The following CCSER1 variants were observed in gnomAD, a reference collection of about 807,000 sequenced individuals.
The protein encoded by CCSER1 is serine-rich coiled-coil domain-containing protein 1.
A neutral mutation model predicts 82.0 loss-of-function variants in CCSER1; 41 were observed. That is an observed-to-expected ratio of 0.50 (90% CI 0.39 to 0.65). CCSER1 has a LOEUF of 0.65. Among genes scored for constraint, CCSER1 ranks in the 30% least tolerant of loss-of-function variants. The probability of loss-of-function intolerance (pLI) is 0.00; values close to 1 mark genes in which losing one functional copy is unlikely to be tolerated. For synonymous variants in CCSER1, 414 were observed against 383.9 expected (o/e 1.08, Z -0.92); for missense variants, 1,119 against 1,064.2 (o/e 1.05, Z -0.72).
chr4:91,579,977 C>T (rs982608170), intron 10 of CCSER1, among the ~76,000 whole-genome samples: 3 of 151,792 alleles, frequency 2.0e-5, no homozygotes, highest in African/African-American at 4.8e-5. Flanking sequence ...CTTCATGTGA[C>T]ACAATCATGA....
intron 9 of CCSER1, among the ~76,000 whole-genome samples, chr4:90,926,785 G>A (rs544100647): frequency 2.4e-4 from 36 of 152,078 alleles, no homozygotes; most frequent in South Asian, 4.1e-4. Flanking sequence ...CCTCTTCCAC[G>A]TTCCTCTGTC....
At position 91,385,650 on chromosome 4, in the gene CCSER1, A is replaced by AAAAGCTT. The variant is rs1344587127; in HGVS notation, c.2218-212919_2218-212913dup. On this transcript the variant is annotated intron_variant, in intron 10 of 10. Coordinates refer to ENST00000509176, the MANE Select transcript of CCSER1 (RefSeq NM_001145065.2). ...AAGGGGACATAGAAAAAGGAAAAAAAAAAGCTTAATTTTTGTGACTTTGGA... is the reference window on the plus strand; with the variant it reads ...AAGGGGACATAGAAAAAGGAAAAAAAAAAGCTTAAAGCTTAATTTTTGTGACTTTGGA... 5.3e-5 allele frequency among the ~76,000 whole-genome samples: 8 copies of AAAAGCTT among 152,028 alleles called. No homozygotes were observed. In the East Asian group the frequency reaches 1.5e-3, roughly 29 times the overall value.
chr4:91,277,859 A>T (rs905456803), intron 10 of CCSER1, among the ~76,000 whole-genome samples: 3 of 151,808 alleles, frequency 2.0e-5, no homozygotes, highest in Non-Finnish European at 4.4e-5. Context: ...GCTGTATTCC[A>T]TAGGTTTTGA....
intron 1 of CCSER1, among the ~76,000 whole-genome samples, chr4:90,190,581 G>A (rs952627390): frequency 2.0e-4 from 31 of 152,172 alleles, no homozygotes; most frequent in African/African-American, 5.3e-4. Flanking sequence ...GTATGTATGT[G>A]AGCTTGATAA....
intron 6 of CCSER1, among the ~76,000 whole-genome samples, chr4:90,640,909 C>A (rs147512320): frequency 6.6e-6 from 1 of 152,038 alleles, no homozygotes; most frequent in African/African-American, 2.4e-5. Flanking sequence ...CTGGGCAGTT[C>A]TTTATAGCAG....
At chr4:91,559,897 T>C (rs900713940) in intron 10 of CCSER1, among the ~76,000 whole-genome samples, 1 of 151,348 alleles carries the variant, frequency 6.6e-6, no homozygotes, top group African/African-American at 2.4e-5. Flanking sequence ...GTGGGTGTCA[T>C]TGGTAAATGT....
chr4:91,390,363 A>G (rs1481370493), intron 10 of CCSER1, among the ~76,000 whole-genome samples: 1 of 151,928 alleles, frequency 6.6e-6, no homozygotes, highest in African/African-American at 2.4e-5. Flanking sequence ...ATTTATTTTC[A>G]AATGTTGAAC....
intron 10 of CCSER1, among the ~76,000 whole-genome samples, chr4:91,395,173 A>C (rs532199406): frequency 1.3e-5 from 2 of 152,208 alleles, no homozygotes; most frequent in East Asian, 3.9e-4. Context: ...TTAGGAAGAC[A>C]GCTTGCTCTC....
intron 6 of CCSER1, among the ~76,000 whole-genome samples, chr4:90,638,790 A>G (rs765052820): frequency 2.7e-4 from 41 of 152,254 alleles, no homozygotes; most frequent in Middle Eastern, 3.4e-3. Flanking sequence ...AGGTGGAGAA[A>G]AAGTCTTTCC....
chr4:91,252,445 G>T (rs1347111623), intron 10 of CCSER1, among the ~76,000 whole-genome samples: 3 of 152,052 alleles, frequency 2.0e-5, no homozygotes, highest in African/African-American at 7.2e-5. Context: ...CATAAAAAGT[G>T]GTATTATTGT....
chr4:90,387,154 A>G (rs1750186897), intron 3 of CCSER1, among the ~76,000 whole-genome samples: 1 of 152,164 alleles, frequency 6.6e-6, no homozygotes, highest in African/African-American at 2.4e-5. Context: ...ACCTAGACAT[A>G]TACAAACATT....
intron 10 of CCSER1, among the ~76,000 whole-genome samples, chr4:91,345,757 A>G (rs1414398471): frequency 1.3e-5 from 2 of 152,124 alleles, no homozygotes; most frequent in Non-Finnish European, 2.9e-5. Flanking sequence ...TGAAATGTAT[A>G]ATAATATGGA....
chr4:90,940,080 T>C (rs954803176), intron 9 of CCSER1, among the ~76,000 whole-genome samples: 1 of 152,164 alleles, frequency 6.6e-6, no homozygotes, highest in African/African-American at 2.4e-5. Context: ...AAGAATTCAA[T>C]TGAAGATCTT....
intron 8 of CCSER1, among the ~76,000 whole-genome samples, chr4:90,860,278 A>G (rs1346911313): frequency 1.3e-5 from 2 of 151,662 alleles, no homozygotes; most frequent in Non-Finnish European, 3.0e-5. Context: ...TTCATTAGGA[A>G]AATGCAAACC....
intron 10 of CCSER1, among the ~76,000 whole-genome samples, chr4:91,378,342 G>A (rs1322462292): frequency 1.3e-5 from 2 of 152,164 alleles, no homozygotes; most frequent in South Asian, 2.1e-4. Flanking sequence ...ACCTTGGGCA[G>A]TGTGGCCATT....
intron 6 of CCSER1, among the ~76,000 whole-genome samples, chr4:90,692,941 T>C (rs1486687245): frequency 6.6e-6 from 1 of 151,994 alleles, no homozygotes; most frequent in African/African-American, 2.4e-5. Flanking sequence ...ATGTCCTTTT[T>C]TCTTTATAAA....
chr4:91,379,269 A>G (rs1750681833), intron 10 of CCSER1, among the ~76,000 whole-genome samples: 1 of 152,182 alleles, frequency 6.6e-6, no homozygotes, highest in African/African-American at 2.4e-5. Flanking sequence ...GCCTCATAAA[A>G]TGAGTTAGGG....
At chr4:90,795,392 G>A (rs113604345) in intron 7 of CCSER1, among the ~76,000 whole-genome samples, 52,878 of 151,808 alleles carry the variant, frequency 0.35, 9,577 homozygotes, top group African/African-American at 0.46. Context: ...AGGAGCTTTT[G>A]GGCTGAGATT....
At chr4:90,975,711 G>A (rs1053315321) in intron 9 of CCSER1, among the ~76,000 whole-genome samples, 2 of 151,168 alleles carry the variant, frequency 1.3e-5, no homozygotes, top group Non-Finnish European at 3.0e-5. Context: ...CAGTTACTAT[G>A]TAAGGATATT....
Sources: allele counts gnomAD v4.1 joint callset (sites outside exome capture counted in the v4.1 genomes callset), GRCh38; gene constraint gnomAD v4.1.1; transcripts MANE v1.5; gene names NCBI Gene and HGNC (gene_info 2026-07-23, HGNC 2026-07-21).